The following TICRR variants were observed in gnomAD, a reference collection of about 807,000 sequenced individuals.
The protein encoded by TICRR is TOPBP1 interacting checkpoint and replication regulator.
A neutral mutation model predicts 178.1 loss-of-function variants in TICRR; 132 were observed. The ratio of observed to expected loss-of-function variants is 0.74; its 90% CI spans 0.64 to 0.86. The LOEUF is 0.86. Among genes scored for constraint, TICRR ranks in the 40% least tolerant of loss-of-function variants. TICRR has a pLI of 0.00. For missense variants in TICRR, 2,587 were observed against 2,334.3 expected, an observed-to-expected ratio of 1.11 and a Z score of -2.23; for synonymous variants, 991 against 900.7, an observed-to-expected ratio of 1.10 and a Z score of -1.79.
Position 89,575,943 on chromosome 15 carries a change from G to A in TICRR, c.357G>A (p.Thr119=), listed in dbSNP as rs746745230. The change falls in exon 1 of 22, where the codon ACG becomes ACA. Residue 119 remains threonine, a synonymous_variant. Transcript: ENST00000268138. ...LDYQWDRPEI[T]SPTKPILRSS... ...ACCAGTGGGACCGGCCCGAGATCAC[G>A]TCGCCCACGAAGCCGATCCTGCGGA... 7 of 1,598,256 alleles carry A rather than the reference G, an allele frequency of 4.4e-6. No individual in the cohort carries two copies. The Admixed American group carries it at 1.0e-4, about 24-fold the overall frequency.
rs1043299851 is a variant in TICRR at position 89,619,838 on chromosome 15, G to T, written c.3150G>T (p.Lys1050Asn). Reference protein sequence around the residue: ...VQRVHSFQQDKSDQRENSPVQ... With the variant: ...VQRVHSFQQDNSDQRENSPVQ... ...GAGTCCACTCTTTCCAGCAAGATAA[G>T]TCAGGTAACATACGGGCCCCTCTGC... The change falls in exon 18 of 22, where the codon AAG (lysine) becomes AAT (asparagine). Residue 1050 changes from lysine (K) to asparagine (N), a missense_variant. Lys to Asn is a moderately conservative substitution (Grantham distance 94). Coordinates refer to ENST00000268138, the MANE Select transcript of TICRR (RefSeq NM_152259.4). 1.2e-6 allele frequency: 2 copies of T among 1,610,478 alleles called. No homozygotes were observed. The highest frequency in any genetic ancestry group is 3.4e-5 in the Admixed American group (2 of 58,988).
intron 3 of TICRR, 140 bp from the exon 4 acceptor site, chr15:89,585,568 T>A (rs893724): frequency 0.89 from 591,570 of 666,564 alleles, 264,204 homozygotes; most frequent in African/African-American, 0.94. Flanking sequence ...TCTACCTCTA[T>A]TAATGATCAA....
Position 89,627,026 on chromosome 15 carries a change from C to T in TICRR, c.5673C>T (p.Arg1891=). 1 of 1,614,130 alleles carries T rather than the reference C, an allele frequency of 6.2e-7. No individual in the cohort carries two copies. Among genetic ancestry groups the T allele is most frequent in the South Asian group, 1.1e-5 (1 of 91,070 alleles). ...SPFSRAFSRR[R]PISRTYTRKK... ...TCAGTCGCGCTTTCTCCAGGAGGCGCCCCATCAGCAGAACTTATACACGGA... is the reference window on the plus strand; with the variant it reads ...TCAGTCGCGCTTTCTCCAGGAGGCGTCCCATCAGCAGAACTTATACACGGA... The change falls in exon 22 of 22, where the codon CGC becomes CGT. Residue 1891 remains arginine, a synonymous_variant. Transcript: ENST00000268138.
intron 15 of TICRR, among the ~76,000 whole-genome samples, chr15:89,613,772 C>G (rs1011010862): frequency 8.1e-5 from 6 of 74,206 alleles, no homozygotes; most frequent in African/African-American, 6.2e-5. Flanking sequence ...TGTTGATATT[C>G]TCTGTTTGGC....
chr15:89,624,899 A>G lies in TICRR; in HGVS notation c.4589A>G (p.Asp1530Gly), dbSNP rs766500207. The G allele has an allele frequency of 3.1e-6, 5 of 1,614,054 alleles. No homozygotes were observed. The East Asian group carries it at 1.1e-4, about 36-fold the overall frequency. ...TCCCGTGACGTGCACTGTACCACAG[A>G]TGGGAGACAGTGCCAGGCTTCGGCA... is the stretch of plus-strand genomic sequence containing the variant. Reference protein sequence around the residue: ...MPSRDVHCTTDGRQCQASAQL... With the variant: ...MPSRDVHCTTGGRQCQASAQL... The change falls in exon 20 of 22, where the codon GAT (aspartate) becomes GGT (glycine). Residue 1530 changes from aspartate to glycine, a missense_variant. Transcript: ENST00000268138.
chr15:89,579,424 C>T (rs976442158), intron 1 of TICRR, among the ~76,000 whole-genome samples: 1 of 152,166 alleles, frequency 6.6e-6, no homozygotes, highest in Non-Finnish European at 1.5e-5. Flanking sequence ...CGGCTCACTG[C>T]AACCTCCGCC....
chr15:89,582,745 A>G lies in TICRR; in HGVS notation c.714A>G (p.Gly238=), dbSNP rs770916990. Residue 238 remains glycine, a synonymous_variant, in exon 2 of 22, where the codon GGA becomes GGG. Coordinates refer to ENST00000268138, the MANE Select transcript of TICRR (RefSeq NM_152259.4). ...YWTVCELLHH[G]GGTVLPSESF... is the part of the protein sequence containing the mutation. ...CTGTTTGTGAACTGCTCCACCACGG[A>G]GGTGGCACTGTCTTGCCATCTGAAT... 3 of 1,614,176 alleles carry G rather than the reference A, an allele frequency of 1.9e-6. No individual in the cohort carries two copies. In the South Asian group the frequency reaches 3.3e-5, roughly 18 times the overall value.
Position 89,576,155 on chromosome 15 carries a change from A to G in TICRR, c.569A>G (p.Glu190Gly), listed in dbSNP as rs779651052. 1.2e-6 allele frequency: 2 copies of G among 1,606,212 alleles called. No individual in the cohort carries two copies. Among genetic ancestry groups the G allele is most frequent in the Non-Finnish European group, 1.7e-6 (2 of 1,179,958 alleles). ...RLPPTPKQVMEKLLPKRVREV... is the reference protein window; with the variant it reads ...RLPPTPKQVMGKLLPKRVREV... ...CCGCCCACCCCTAAGCAGGTGATGG[A>G]GAAGTTGTTGCCCAAGAGAGTCCGG... Residue 190 changes from glutamate (E) to glycine (G), a missense_variant, in exon 1 of 22, where the codon GAG becomes GGG. Coordinates refer to ENST00000268138, the MANE Select transcript of TICRR (RefSeq NM_152259.4).
Position 89,575,617 on chromosome 15 carries a change from C to T in TICRR, c.31C>T (p.Leu11=), listed in dbSNP as rs1369381568. The change falls in exon 1 of 22, where the codon CTG becomes TTG. Residue 11 remains leucine (L), a synonymous_variant. Transcript: ENST00000268138. ...ATGCTGTCACAAAGTAATGCTGCTG[C>T]TGGACACCGCGGGCGGCGCCGCCCG... is the stretch of plus-strand genomic sequence containing the variant. MACCHKVMLL[L]DTAGGAARHS... The T allele has an allele frequency of 6.5e-7, 1 of 1,534,316 alleles. No individual in the cohort carries two copies. Among genetic ancestry groups the T allele is most frequent in the South Asian group, 1.2e-5 (1 of 83,262 alleles).
In TICRR at chr15:89,624,712, A is replaced by C; in HGVS notation, c.4402A>C (p.Ser1468Arg). 1 of 1,614,164 alleles carries C rather than the reference A, an allele frequency of 6.2e-7. No homozygotes were observed. ...TGACACAGAGCATGTCACTCTCCTC[A>C]GTGAAGCCGAACACCATGGCATTGG... Reference protein sequence around the residue: ...TSDTEHVTLLSEAEHHGIGDL... With the variant: ...TSDTEHVTLLREAEHHGIGDL... The change falls in exon 20 of 22, where the codon AGT becomes CGT. Residue 1468 changes from serine (S) to arginine (R), a missense_variant. Transcript: ENST00000268138.
chr15:89,619,538 A>T (rs1963389724), intron 17 of TICRR, among the ~76,000 whole-genome samples, 170 bp from the exon 18 acceptor site: 1 of 152,060 alleles, frequency 6.6e-6, no homozygotes, highest in Admixed American at 6.5e-5. Flanking sequence ...CATGTATCAA[A>T]CCCCTCTTAG....
intron 5 of TICRR, among the ~76,000 whole-genome samples, chr15:89,593,529 C>T (rs1434514121): frequency 1.3e-5 from 2 of 152,092 alleles, no homozygotes; most frequent in Non-Finnish European, 2.9e-5. Context: ...CATGGTGAAA[C>T]CCCGTCTCTA....
At chr15:89,623,481 G>A (rs536684961) in intron 19 of TICRR, 142 bp from the exon 20 acceptor site, 5 of 853,862 alleles carry the variant, frequency 5.9e-6, no homozygotes, top group East Asian at 5.1e-5. Context: ...AGAGGGAAAC[G>A]GGTCACTATT....
chr15:89,607,399 A>G lies in TICRR; in HGVS notation c.2722+574A>G, dbSNP rs372612734. ...CAGTGTTTAGGGGAATAACGTACAT[A>G]CAGAGAGAAGGAAGGAGAAAACAAA... On this transcript the variant is annotated intron_variant, in intron 14 of 21. Coordinates refer to ENST00000268138, the MANE Select transcript of TICRR (RefSeq NM_152259.4). 2.6e-5 allele frequency among the ~76,000 whole-genome samples: 4 copies of G among 152,296 alleles called. No homozygotes were observed. The East Asian group carries it at 5.8e-4, about 22-fold the overall frequency.
In TICRR at chr15:89,575,946, G is replaced by A. The variant is rs1443166191; in HGVS notation, c.360G>A (p.Ser120=). 3.1e-6 allele frequency: 5 copies of A among 1,598,706 alleles called. No individual in the cohort carries two copies. The South Asian group carries it at 5.6e-5, about 18-fold the overall frequency. Residue 120 remains serine, a synonymous_variant, in exon 1 of 22, where the codon TCG becomes TCA. Transcript: ENST00000268138. ...DYQWDRPEIT[S]PTKPILRSSG... ...AGTGGGACCGGCCCGAGATCACGTC[G>A]CCCACGAAGCCGATCCTGCGGAGCA... is the stretch of plus-strand genomic sequence containing the variant.
intron 19 of TICRR, among the ~76,000 whole-genome samples, chr15:89,623,113 G>A (rs141302443): frequency 6.6e-6 from 1 of 152,344 alleles, no homozygotes; most frequent in Non-Finnish European, 1.5e-5. Context: ...TTATTGGGGA[G>A]TGTCTTTTCT....
chr15:89,604,497 G>A (rs1963145278), intron 13 of TICRR, among the ~76,000 whole-genome samples: 1 of 152,200 alleles, frequency 6.6e-6, no homozygotes, highest in Non-Finnish European at 1.5e-5. Flanking sequence ...TTAACGCCTG[G>A]GCGCAGTGGT....
intron 19 of TICRR, among the ~76,000 whole-genome samples, chr15:89,622,618 A>G (rs962556004): frequency 1.6e-5 from 2 of 121,796 alleles, no homozygotes; most frequent in Non-Finnish European, 3.7e-5. Context: ...TCTGAAAACC[A>G]TAGATCTACA....
Position 89,599,486 on chromosome 15 carries a change from C to T in TICRR, c.2052+11C>T. ...ACCAAGGAATTAGAAGTAAGAGGGT[C>T]CAGATATTGTTGTTTGTCATGGATG... On this transcript the variant is annotated intron_variant, in intron 8 of 21. Transcript: ENST00000268138. The T allele has an allele frequency of 6.2e-7, 1 of 1,607,416 alleles. No individual in the cohort carries two copies. The highest frequency in any genetic ancestry group is 1.1e-5 in the South Asian group (1 of 89,838).
Sources: gnomAD v4.1 joint callset for allele counts (sites outside exome capture counted in the v4.1 genomes callset) on GRCh38, gnomAD v4.1.1 for gene constraint, MANE v1.5 for transcripts, NCBI Gene and HGNC (gene_info 2026-07-23, HGNC 2026-07-21) for gene names.